Variants in ZNF789 observed in about 807,000 individuals in gnomAD.
ZNF789 encodes the protein zinc finger protein 789.
In ZNF789, 11 loss-of-function variants were observed where a neutral mutation model predicts 15.6. The observed-to-expected ratio is 0.70, with a 90% CI of 0.44 to 1.16. The LOEUF (loss-of-function observed/expected upper bound fraction) is 1.16, where lower values mean the gene tolerates loss of function less well. Ranked by LOEUF, ZNF789 falls within the 50% of genes most tolerant of loss-of-function variation. The pLI, the probability that ZNF789 is intolerant of heterozygous loss-of-function variation, is 0.00. For synonymous variants in ZNF789, 159 were observed against 176.0 expected (o/e 0.90, Z 0.76); for missense variants, 461 against 512.6 (o/e 0.90, Z 0.97).
Position 99,472,932 on chromosome 7 carries a change from T to G in ZNF789, c.-179T>G, listed in dbSNP as rs1482014805. ...CTGCCAGAGTGGTTGTGTCTGTTCC[T>G]CCGGTAAGGGGTGATTCGCCGAGGG... On this transcript the variant is annotated 5_prime_UTR_variant, in exon 1 of 5. Transcript: ENST00000331410. 2 of 152,230 alleles carry G rather than the reference T, an allele frequency of 1.3e-5. No individual in the cohort carries two copies. Among genetic ancestry groups the G allele is most frequent in the African/African-American group, 4.8e-5 (2 of 41,414 alleles). The allele number at this position is 152,230 out of a possible 1,614,324, so 9.4% of individuals were successfully genotyped here. A position where few individuals can be genotyped will look rare whatever the true frequency, so the allele number is the denominator to read the frequency against.
At chr7:99,482,208 T>C in intron 3 of ZNF789, 1 of 779,202 alleles carries the variant, frequency 1.3e-6, no homozygotes, top group Non-Finnish European at 2.4e-6. Context: ...TGAACGTCTC[T>C]GGCACATTCA....
At chr7:99,483,940 T>A (rs113964272) in intron 3 of ZNF789, 90 bp from the exon 4 acceptor site, 2 of 993,996 alleles carry the variant, frequency 2.0e-6, no homozygotes, top group East Asian at 4.8e-5. Context: ...CGCTTTTGAT[T>A]ATTGTCCTTA....
chr7:99,480,171 G>A (rs941198153), intron 3 of ZNF789: 5 of 212,824 alleles, frequency 2.3e-5, no homozygotes, highest in Admixed American at 1.2e-4. Flanking sequence ...CTTAAGATGC[G>A]AAAATTAGCC....
intron 2 of ZNF789, 73 bp downstream of exon 2, chr7:99,476,553 C>T: frequency 6.3e-7 from 1 of 1,579,606 alleles, no homozygotes; most frequent in African/African-American, 1.4e-5. Flanking sequence ...AGACTGAGCC[C>T]TCTTGATCAA....
Position 99,480,699 on chromosome 7 carries a change from T to A in ZNF789, c.151+912T>A, listed in dbSNP as rs1441292119. 7 of 152,244 alleles carry A rather than the reference T, an allele frequency of 4.6e-5. No homozygotes were observed. In the East Asian group the frequency reaches 1.3e-3, roughly 29 times the overall value. The allele number at this position is 152,244 out of a possible 1,614,324, so 9.4% of individuals were successfully genotyped here. On this transcript the variant is annotated intron_variant, in intron 3 of 4. Transcript: ENST00000331410. ...ATGGGTAACTTCTTGGTGTGTAACA[T>A]TAGTGGGTGCTCAGGAAATGATTTT...
intron 2 of ZNF789, among the ~76,000 whole-genome samples, chr7:99,476,990 G>A (rs1389518701): frequency 6.6e-6 from 1 of 152,100 alleles, no homozygotes; most frequent in Non-Finnish European, 1.5e-5. Flanking sequence ...TATAATGGAA[G>A]GTCAGTTATT....
Position 99,486,904 on chromosome 7 carries a change from A to G in ZNF789, c.694A>G (p.Lys232Glu), listed in dbSNP as rs777364166. 2.5e-6 allele frequency: 4 copies of G among 1,614,042 alleles called. No individual in the cohort carries two copies. The highest frequency in any genetic ancestry group is 2.5e-6 in the Non-Finnish European group (3 of 1,180,044). ...IHFLENPFEC[K>E]VCGQAFRQRS... ...CTTTTTAGAGAATCCTTTTGAGTGT[A>G]AGGTCTGTGGGCAAGCCTTCAGACA... Residue 232 changes from lysine to glutamate, a missense_variant, in exon 5 of 5, where the codon AAG (lysine) becomes GAG (glutamate). Transcript: ENST00000331410.
chr7:99,482,356 G>T, intron 3 of ZNF789: 1 of 691,202 alleles, frequency 1.4e-6, no homozygotes, highest in Non-Finnish European at 2.7e-6. Flanking sequence ...TTTCCCTGGG[G>T]AAGGCTGAAT....
intron 3 of ZNF789, chr7:99,481,855 T>TA: frequency 2.9e-6 from 1 of 339,680 alleles, no homozygotes; most frequent in East Asian, 6.3e-5. Context: ...CATCAGTAAA[T>TA]AGAGTAGATA....
chr7:99,486,120 C>T (rs1433308962), intron 4 of ZNF789, among the ~76,000 whole-genome samples: 2 of 152,124 alleles, frequency 1.3e-5, no homozygotes, highest in Non-Finnish European at 2.9e-5. Flanking sequence ...GGGTTCGAGA[C>T]CAGCCTGACC....
rs185473064 is a variant in ZNF789, at chr7:99,477,629, G to A, written c.24+1149G>A. Among the ~76,000 whole-genome samples the A allele has an allele frequency of 3.2e-3, 479 of 151,758 alleles. 3 individuals carry two copies. Among genetic ancestry groups the A allele is most frequent in the African/African-American group, 0.011 (458 of 41,410 alleles). ...GCTGGGAATCCAGGTGTGAGCCACC[G>A]CGCCCAGCCTAGAAGAGACTGAGTT... On this transcript the variant is annotated intron_variant, in intron 2 of 4. Transcript: ENST00000331410.
chr7:99,474,051 G>A (rs1449293389), intron 1 of ZNF789, among the ~76,000 whole-genome samples: 1 of 152,184 alleles, frequency 6.6e-6, no homozygotes, highest in Non-Finnish European at 1.5e-5. Flanking sequence ...GCCTTACATG[G>A]CTGTGGGTGG....
chr7:99,483,998 C>CG, intron 3 of ZNF789, 32 bp from the exon 4 acceptor site: 2 of 1,582,056 alleles, frequency 1.3e-6, no homozygotes, highest in Non-Finnish European at 1.7e-6. Flanking sequence ...AACTCACTAA[C>CG]GGCCACATCC....
Position 99,484,076 on chromosome 7 carries a change from G to A in ZNF789, c.198G>A (p.Trp66Ter), listed in dbSNP as rs1799782792. 2 of 1,614,066 alleles carry A rather than the reference G, an allele frequency of 1.2e-6. No individual in the cohort carries two copies. Among genetic ancestry groups the A allele is most frequent in the Non-Finnish European group, 1.7e-6 (2 of 1,180,024 alleles). Residue 66 changes from tryptophan (W) to a stop codon, truncating the protein, a stop_gained, in exon 4 of 5, where the codon TGG becomes TGA. Transcript: ENST00000331410. LOFTEE classifies it high-confidence loss of function. ...AGATGATCTGTCAGCTGGAGAACTG[G>A]GACGAGCAGTGGATCCTGGATCTAC... ...KPEMICQLEN[W>*]DEQWILDLPR...
chr7:99,485,659 T>C (rs189814867), intron 4 of ZNF789, among the ~76,000 whole-genome samples: 1 of 151,534 alleles, frequency 6.6e-6, no homozygotes, highest in Non-Finnish European at 1.5e-5. Context: ...TGGCGAAATA[T>C]CATCTCTACT....
intron 4 of ZNF789, among the ~76,000 whole-genome samples, chr7:99,484,571 G>A (rs1799815965): frequency 6.6e-6 from 1 of 152,154 alleles, no homozygotes; most frequent in African/African-American, 2.4e-5. Context: ...AGTGAGCCGA[G>A]ATCGCGTCAC....
At chr7:99,473,467 T>C (rs1473727256) in intron 1 of ZNF789, among the ~76,000 whole-genome samples, 1 of 152,228 alleles carries the variant, frequency 6.6e-6, no homozygotes, top group African/African-American at 2.4e-5. Context: ...GCAGTGATCT[T>C]GATTGTAATT....
At chr7:99,483,888 C>G in intron 3 of ZNF789, 142 bp from the exon 4 acceptor site, 1 of 799,540 alleles carries the variant, frequency 1.3e-6, no homozygotes, top group Non-Finnish European at 2.3e-6. Flanking sequence ...ATAAAGACTG[C>G]CAGATATTTA....
chr7:99,484,214 C>T (rs1436793111), intron 4 of ZNF789, 71 bp downstream of exon 4: 1 of 1,240,680 alleles, frequency 8.1e-7, no homozygotes, highest in African/African-American at 1.5e-5. Context: ...GAAGCCCCTT[C>T]TGTGTGCCAG....
Sources: gnomAD v4.1 joint callset for allele counts (sites outside exome capture counted in the v4.1 genomes callset) on GRCh38, gnomAD v4.1.1 for gene constraint, MANE v1.5 for transcripts, NCBI Gene and HGNC (gene_info 2026-07-23, HGNC 2026-07-21) for gene names.